The following PLEKHA6 variants were observed in gnomAD, a reference collection of about 807,000 sequenced individuals.
PLEKHA6 encodes pleckstrin homology domain-containing family A member 6.
In PLEKHA6, 60 loss-of-function variants were observed where a neutral mutation model predicts 116.7. That is an observed-to-expected ratio of 0.51 (90% confidence interval 0.42 to 0.64). The LOEUF is 0.64. Among genes scored for constraint, PLEKHA6 ranks in the 30% least tolerant of loss-of-function variants. The pLI, the probability that PLEKHA6 is intolerant of heterozygous loss-of-function variation, is 0.00. For synonymous variants in PLEKHA6, 489 were observed against 556.1 expected, an observed-to-expected ratio of 0.88 and a Z score of 1.70; for missense variants, 1,338 against 1,422.7, an observed-to-expected ratio of 0.94 and a Z score of 0.96.
At chr1:204,300,625 G>A (rs1670723028) in intron 1 of PLEKHA6, among the ~76,000 whole-genome samples, 1 of 152,198 alleles carries the variant, frequency 6.6e-6, no homozygotes, top group African/African-American at 2.4e-5. Flanking sequence ...CCTAATCAGA[G>A]AAGATGTCAA....
At chr1:204,347,277 GA>G (rs1185163160) in intron 1 of PLEKHA6, 19 of 952,992 alleles carry the variant, frequency 2.0e-5, no homozygotes, top group Non-Finnish European at 2.7e-5. Flanking sequence ...ATTACTGGAA[GA>G]TGGCAGTTAT....
chr1:204,273,702 C>T lies in PLEKHA6; in HGVS notation c.26G>A (p.Arg9His), dbSNP rs746148173. 13 of 1,613,942 alleles carry T rather than the reference C, an allele frequency of 8.1e-6. No homozygotes were observed. The highest frequency in any genetic ancestry group is 3.3e-5 in the Admixed American group (2 of 60,002). Residue 9 changes from arginine to histidine, a missense_variant, in exon 3 of 23, where the codon CGC becomes CAC. Arg to His is a conservative substitution (Grantham distance 29). This residue lies in a region of PLEKHA6 where 62 missense variants were observed against 61.7 expected (regional missense o/e 1.01). Transcript: ENST00000272203. ...TATGTCACTGTTGGTGGTAGCCGGG[C>T]GTTTCCCACCTGTTTTATTGGACAT... MSNKTGGKRPATTNSDIPN... is the reference protein window; with the variant it reads MSNKTGGKHPATTNSDIPN...
intron 1 of PLEKHA6, among the ~76,000 whole-genome samples, chr1:204,345,140 G>A (rs957163881): frequency 2.6e-5 from 4 of 152,194 alleles, no homozygotes; most frequent in African/African-American, 9.7e-5. Context: ...CCAATTAAAG[G>A]ACACTTTTAA....
At chr1:204,245,759 G>T (rs1351539698) in intron 13 of PLEKHA6, 33 bp from the exon 14 acceptor site, 4 of 1,467,424 alleles carry the variant, frequency 2.7e-6, no homozygotes, top group Non-Finnish European at 3.8e-6. Context: ...CAAAGGAAAT[G>T]GCCATGAGGA....
chr1:204,272,626 C>T (rs1667585044), intron 3 of PLEKHA6, among the ~76,000 whole-genome samples: 1 of 152,222 alleles, frequency 6.6e-6, no homozygotes, highest in African/African-American at 2.4e-5. Flanking sequence ...AGCCCCTCCC[C>T]AGTCTCATTA....
intron 17 of PLEKHA6, among the ~76,000 whole-genome samples, chr1:204,232,772 G>C (rs751792841): frequency 5.3e-5 from 8 of 152,136 alleles, no homozygotes; most frequent in Non-Finnish European, 1.2e-4. Flanking sequence ...GGCAGGCCTA[G>C]AGGCAGGGGC....
At position 204,325,932 on chromosome 1, in the gene PLEKHA6, A is replaced by T. The variant is rs1672226512; in HGVS notation, c.-95+33762T>A. 13 of 984,512 alleles carry T rather than the reference A, an allele frequency of 1.3e-5. No individual in the cohort carries two copies. The South Asian group carries it at 6.1e-4, about 46-fold the overall frequency. The allele number at this position is 984,512 out of a possible 1,614,324, so 61.0% of individuals were successfully genotyped here. On this transcript the variant is annotated intron_variant, in intron 1 of 22. Coordinates refer to ENST00000272203, the MANE Select transcript of PLEKHA6 (RefSeq NM_014935.5). ...AGCCAAGCACCGCTGGGCTGCCATTAACATATAGACTGGGCTGAACACAAA... is the reference window on the plus strand; with the variant it reads ...AGCCAAGCACCGCTGGGCTGCCATTTACATATAGACTGGGCTGAACACAAA...
chr1:204,273,778 A>T, intron 2 of PLEKHA6, 38 bp from the exon 3 acceptor site: 1 of 1,433,824 alleles, frequency 7.0e-7, no homozygotes, highest in Non-Finnish European at 9.8e-7. Flanking sequence ...GATTGGTGAG[A>T]TCCAAGAAAC....
At chr1:204,230,986 G>C (rs1391979858) in intron 17 of PLEKHA6, among the ~76,000 whole-genome samples, 2 of 152,176 alleles carry the variant, frequency 1.3e-5, no homozygotes, top group Admixed American at 1.3e-4. Context: ...TCCAGAAGGA[G>C]CCAACCCTGC....
intron 1 of PLEKHA6, among the ~76,000 whole-genome samples, chr1:204,338,374 G>A (rs12730635): frequency 0.36 from 54,768 of 152,114 alleles, 11,619 homozygotes; most frequent in Non-Finnish European, 0.46. Flanking sequence ...TACAAAGTGT[G>A]TGGCAAGTGC....
intron 1 of PLEKHA6, among the ~76,000 whole-genome samples, chr1:204,323,612 G>C (rs1249299952): frequency 6.6e-6 from 1 of 152,194 alleles, no homozygotes; most frequent in Non-Finnish European, 1.5e-5. Flanking sequence ...TTGTGTAACT[G>C]GAAAGCTTCA....
At chr1:204,242,722 A>G (rs1260231128) in intron 15 of PLEKHA6, among the ~76,000 whole-genome samples, 1 of 152,192 alleles carries the variant, frequency 6.6e-6, no homozygotes, top group African/African-American at 2.4e-5. Context: ...GAGAGACAGC[A>G]TGGGTGGAGT....
chr1:204,250,427 GAGAT>G, intron 10 of PLEKHA6, 115 bp downstream of exon 10: 1 of 726,808 alleles, frequency 1.4e-6, no homozygotes, highest in Non-Finnish European at 2.5e-6. Context: ...CAGAAGGAGA[GAGAT>G]AGATGGAGAG....
chr1:204,366,909 G>A (rs1402709719), intron 3 of PLEKHA6, among the ~76,000 whole-genome samples: 1 of 152,228 alleles, frequency 6.6e-6, no homozygotes, highest in African/African-American at 2.4e-5. Flanking sequence ...GAGAGGGACG[G>A]AAAGGGGATG....
At chr1:204,231,556 GT>G (rs1320207377) in intron 17 of PLEKHA6, among the ~76,000 whole-genome samples, 19 of 143,590 alleles carry the variant, frequency 1.3e-4, no homozygotes, top group Admixed American at 8.6e-4. Context: ...GTATTGTTGG[GT>G]TTTTTTTCTT....
At chr1:204,249,717 C>A (rs899871460) in intron 10 of PLEKHA6, among the ~76,000 whole-genome samples, 3 of 152,134 alleles carry the variant, frequency 2.0e-5, no homozygotes, top group Non-Finnish European at 4.4e-5. Context: ...TTCCCTCCTC[C>A]CTTCAAAGTC....
intron 3 of PLEKHA6, among the ~76,000 whole-genome samples, chr1:204,269,868 T>C (rs1227736595): frequency 2.0e-5 from 3 of 152,140 alleles, no homozygotes; most frequent in East Asian, 3.8e-4. Context: ...TGCACTCAAG[T>C]CTCTCCATCT....
Position 204,301,290 on chromosome 1 carries a change from C to T in PLEKHA6, c.-94-26481G>A, listed in dbSNP as rs182279991. ...CGAGTCAAAGCACTTGCCTCATCAC[C>T]AGTCTGGAGAGTCTCTGGGTTCCTG... is the stretch of plus-strand genomic sequence containing the variant. On this transcript the variant is annotated intron_variant, in intron 1 of 22. Transcript: ENST00000272203. 1,447 of 971,350 alleles carry T rather than the reference C, an allele frequency of 1.5e-3. 14 individuals carry two copies. The African/African-American group carries it at 0.023, about 16-fold the overall frequency. 60.2% of individuals were successfully genotyped at this position (971,350 alleles called of 1,614,324 possible). A position where few individuals can be genotyped will look rare whatever the true frequency, so the allele number is the denominator to read the frequency against.
At chr1:204,360,232 G>A (rs1673528342), upstream of PLEKHA6, among the ~76,000 whole-genome samples, 1 of 151,822 alleles carries the variant, frequency 6.6e-6, no homozygotes, top group South Asian at 2.1e-4. Flanking sequence ...CAGGGAGCCA[G>A]AAACTGCCCA....
Sources: allele counts gnomAD v4.1 joint callset (sites outside exome capture counted in the v4.1 genomes callset), GRCh38; gene constraint gnomAD v4.1.1; regional missense constraint gnomAD v4.1.1; transcripts MANE v1.5; gene names NCBI Gene and HGNC (gene_info 2026-07-23, HGNC 2026-07-21).